The following SWT1 variants were observed in gnomAD, a reference collection of about 807,000 sequenced individuals.
The protein encoded by SWT1 is SWT1 RNA endoribonuclease homolog.
A neutral mutation model predicts 107.3 loss-of-function variants in SWT1; 33 were observed. The ratio of observed to expected loss-of-function variants is 0.31; its 90% CI spans 0.23 to 0.41. The LOEUF is 0.41. Among genes scored for constraint, SWT1 ranks in the 10% least tolerant of loss-of-function variants. SWT1 has a pLI of 1.00. For synonymous variants in SWT1, 345 were observed against 348.3 expected (o/e 0.99, Z 0.11); for missense variants, 898 against 1,028.9 (o/e 0.87, Z 1.74).
intron 16 of SWT1, among the ~76,000 whole-genome samples, chr1:185,270,525 G>C (rs1663777426): frequency 6.6e-6 from 1 of 151,988 alleles, no homozygotes; most frequent in African/African-American, 2.4e-5. Flanking sequence ...AACATGGGGA[G>C]ACCTCTTCTC....
At chr1:185,172,806 T>G (rs965442070) in intron 4 of SWT1, among the ~76,000 whole-genome samples, 3 of 152,082 alleles carry the variant, frequency 2.0e-5, no homozygotes, top group Admixed American at 6.5e-5. Context: ...CCCAGCACTT[T>G]GGGAGGCCGA....
rs151265812 is a variant in SWT1 at position 185,181,833 on chromosome 1, T to G, written c.1027-113T>G. 5.7e-4 allele frequency: 627 copies of G among 1,092,516 alleles called. 1 individual carries two copies. In the African/African-American group the frequency reaches 8.8e-3, roughly 15 times the overall value. 67.7% of individuals were successfully genotyped at this position (1,092,516 alleles called of 1,614,324 possible). A position where few individuals can be genotyped will look rare whatever the true frequency, so the allele number is the denominator to read the frequency against. ...TATGCTCCTTCAGAGTTTTATAAAA[T>G]TTTTTCTTTCCATAAACCATCTCAA... On this transcript the variant is annotated intron_variant, in intron 6 of 18. Transcript: ENST00000367500.
At chr1:185,277,338 A>G (rs1664310922) in intron 18 of SWT1, among the ~76,000 whole-genome samples, 1 of 151,938 alleles carries the variant, frequency 6.6e-6, no homozygotes. Context: ...TGGTGCGACA[A>G]TGTGCAGTGG....
intron 16 of SWT1, among the ~76,000 whole-genome samples, chr1:185,268,893 C>A (rs1222565219): frequency 7.0e-6 from 1 of 142,744 alleles, no homozygotes; most frequent in African/African-American, 2.6e-5. Flanking sequence ...CGCTCTTTTG[C>A]CCAGGCTTGA....
At position 185,289,222 on chromosome 1, in the gene SWT1, CAAAT is replaced by C. The variant is rs565369685; in HGVS notation, c.2574-1449_2574-1446del. Among the ~76,000 whole-genome samples, 298 of 152,294 alleles carry C rather than the reference CAAAT, an allele frequency of 2.0e-3. 1 individual carries two copies. The highest frequency in any genetic ancestry group is 6.9e-3 in the African/African-American group (288 of 41,578). On this transcript the variant is annotated intron_variant, in intron 18 of 18. Coordinates refer to ENST00000367500, the MANE Select transcript of SWT1 (RefSeq NM_017673.7). ...TACCATCAATTATGATTAGCACAAA[CAAAT>C]AACATAGGAAGATAAAAGCACTTAG...
At chr1:185,223,441 T>C (rs1659824203) in intron 15 of SWT1, among the ~76,000 whole-genome samples, 1 of 152,090 alleles carries the variant, frequency 6.6e-6, no homozygotes, top group South Asian at 2.1e-4. Context: ...CTTGCCTTGG[T>C]TTCCCAAAGG....
rs1461465588 is a variant in SWT1, at chr1:185,174,857, C to T, written c.710C>T (p.Pro237Leu). The change falls in exon 5 of 19, where the codon CCT (proline) becomes CTT (leucine). Residue 237 changes from proline to leucine, a missense_variant. This residue lies in a region of SWT1 where 382 missense variants were observed against 362.4 expected (regional missense o/e 1.05). Coordinates refer to ENST00000367500, the MANE Select transcript of SWT1 (RefSeq NM_017673.7). ...SRRQKISFKI[P>L]IKSRDTLQKL... ...AGACAGAAGATCAGTTTCAAAATCC[C>T]TATAAAATCCCGTGACACCCTCCAG... 1 of 1,614,004 alleles carries T rather than the reference C, an allele frequency of 6.2e-7. No individual in the cohort carries two copies.
intron 16 of SWT1, among the ~76,000 whole-genome samples, chr1:185,259,205 C>T (rs1213731165): frequency 2.0e-5 from 3 of 152,102 alleles, no homozygotes; most frequent in Admixed American, 6.5e-5. Context: ...TAATCAATTT[C>T]GTGTGCTGCC....
At chr1:185,289,693 A>C (rs1665140524) in intron 18 of SWT1, among the ~76,000 whole-genome samples, 1 of 152,070 alleles carries the variant, frequency 6.6e-6, no homozygotes, top group Non-Finnish European at 1.5e-5. Context: ...AAAGAAGAAA[A>C]TCCTGTCATC....
chr1:185,210,767 C>T (rs1658728890), intron 13 of SWT1, among the ~76,000 whole-genome samples: 1 of 152,150 alleles, frequency 6.6e-6, no homozygotes, highest in South Asian at 2.1e-4. Flanking sequence ...GTCTCTGTTG[C>T]AGATGACGTG....
chr1:185,206,094 G>T (rs1658311524), intron 12 of SWT1, among the ~76,000 whole-genome samples: 1 of 152,058 alleles, frequency 6.6e-6, no homozygotes, highest in Non-Finnish European at 1.5e-5. Context: ...AAGTAGCTGG[G>T]AATACAGGTG....
intron 1 of SWT1, among the ~76,000 whole-genome samples, chr1:185,158,008 G>T (rs1413381919): frequency 2.0e-5 from 3 of 152,162 alleles, no homozygotes; most frequent in Admixed American, 6.5e-5. Flanking sequence ...GAACTTTCTG[G>T]CTGCCCTGCT....
intron 10 of SWT1, among the ~76,000 whole-genome samples, chr1:185,192,634 G>A (rs911767753): frequency 1.3e-5 from 2 of 150,904 alleles, no homozygotes; most frequent in South Asian, 2.1e-4. Context: ...TAGAGAACAC[G>A]TCTGTAACGC....
At chr1:185,273,260 C>T (rs1295899291) in intron 17 of SWT1, among the ~76,000 whole-genome samples, 3 of 151,924 alleles carry the variant, frequency 2.0e-5, no homozygotes, top group African/African-American at 7.3e-5. Flanking sequence ...CAAAAATTAG[C>T]TAGGAGTGGT....
At chr1:185,170,853 TAAAA>T (rs1299847447) in intron 4 of SWT1, among the ~76,000 whole-genome samples, 1 of 151,994 alleles carries the variant, frequency 6.6e-6, no homozygotes, top group Non-Finnish European at 1.5e-5. Flanking sequence ...AAATTTATAA[TAAAA>T]AAAGAAAGAT....
At chr1:185,161,336 G>C (rs1223564238) in intron 2 of SWT1, among the ~76,000 whole-genome samples, 2 of 152,100 alleles carry the variant, frequency 1.3e-5, no homozygotes, top group African/African-American at 4.8e-5. Flanking sequence ...AATGGCCAGC[G>C]CTATGTGGCT....
At chr1:185,186,592 A>AT in intron 9 of SWT1, among the ~76,000 whole-genome samples, 1 of 152,248 alleles carries the variant, frequency 6.6e-6, no homozygotes, top group South Asian at 2.1e-4. Flanking sequence ...ATGACATATA[A>AT]CGTTAAATAA....
chr1:185,260,842 A>T (rs1179427653), intron 16 of SWT1, among the ~76,000 whole-genome samples: 1 of 152,136 alleles, frequency 6.6e-6, no homozygotes, highest in Non-Finnish European at 1.5e-5. Flanking sequence ...AGCAAAAGTG[A>T]TTCTGTAATA....
intron 16 of SWT1, among the ~76,000 whole-genome samples, chr1:185,268,644 T>C (rs969242156): frequency 3.3e-5 from 5 of 152,192 alleles, no homozygotes; most frequent in Non-Finnish European, 5.9e-5. Flanking sequence ...TCAAATACAC[T>C]GTGAGGGTTG....
Sources: allele counts gnomAD v4.1 joint callset (sites outside exome capture counted in the v4.1 genomes callset), GRCh38; gene constraint gnomAD v4.1.1; regional missense constraint gnomAD v4.1.1; transcripts MANE v1.5; gene names NCBI Gene and HGNC (gene_info 2026-07-23, HGNC 2026-07-21).